ITGAL: variants seen among roughly 807,000 people sequenced by gnomAD.
ITGAL encodes integrin alpha-L.
Under a neutral mutation model 138.4 loss-of-function variants are expected in ITGAL, and 68 were observed. The ratio of observed to expected loss-of-function variants is 0.49; its 90% CI spans 0.40 to 0.60. The LOEUF is 0.60. ITGAL is among the 20% of genes least tolerant of loss of function. ITGAL has a pLI of 0.00. For synonymous variants in ITGAL, 561 were observed against 584.3 expected (o/e 0.96, Z 0.57); for missense variants, 1,256 against 1,478.6 (o/e 0.85, Z 2.47).
chr16:30,503,411 C>T (rs2050934628), intron 17 of ITGAL, among the ~76,000 whole-genome samples: 1 of 150,600 alleles, frequency 6.6e-6, no homozygotes. Flanking sequence ...GCTCTTAGGA[C>T]AACTGTGCCA....
At position 30,474,297 on chromosome 16, in the gene ITGAL, G is replaced by T. The variant is rs534281390; in HGVS notation, c.163G>T (p.Gly55Trp). The change falls in exon 2 of 31, where the codon GGG becomes TGG. Residue 55 changes from glycine to tryptophan, a missense_variant and splice_region_variant. Coordinates refer to ENST00000356798, the MANE Select transcript of ITGAL (RefSeq NM_002209.3). ...FGYRVLQVGN[G>W]VIVGAPGEGN... Reference sequence around the variant, plus strand: ...ATACCGCGTCCTGCAGGTCGGAAACGGGTGAGCTGTGCCCCACAAGTCCTC... The same window carrying T: ...ATACCGCGTCCTGCAGGTCGGAAACTGGTGAGCTGTGCCCCACAAGTCCTC... 2 of 1,599,122 alleles carry T rather than the reference G, an allele frequency of 1.3e-6. No homozygotes were observed. The highest frequency in any genetic ancestry group is 1.1e-5 in the South Asian group (1 of 89,248).
chr16:30,482,619 C>A (rs1231330934), intron 7 of ITGAL, among the ~76,000 whole-genome samples: 1 of 152,006 alleles, frequency 6.6e-6, no homozygotes, highest in Non-Finnish European at 1.5e-5. Context: ...GTTGTATAAA[C>A]CAGGGTGGAA....
In ITGAL at chr16:30,505,473, C is replaced by G. The variant is rs1215867498; in HGVS notation, c.2366+11C>G. 5.0e-6 allele frequency: 8 copies of G among 1,605,274 alleles called. No homozygotes were observed. Among genetic ancestry groups the G allele is most frequent in the Non-Finnish European group, 5.1e-6 (6 of 1,172,790 alleles). ...CTTCTCTCCTGCAAGGTCAGTAAGGCCTCCCACCCTCCAGCCTCCCATCCA... is the reference window on the plus strand; with the variant it reads ...CTTCTCTCCTGCAAGGTCAGTAAGGGCTCCCACCCTCCAGCCTCCCATCCA... On this transcript the variant is annotated intron_variant, in intron 20 of 30. Transcript: ENST00000356798.
intron 15 of ITGAL, among the ~76,000 whole-genome samples, chr16:30,497,909 T>C (rs980240728): frequency 6.6e-6 from 1 of 151,366 alleles, no homozygotes; most frequent in Non-Finnish European, 1.5e-5. Flanking sequence ...ATCATGCCAC[T>C]GTACTCCAGC....
chr16:30,488,969 G>T, intron 9 of ITGAL, 113 bp from the exon 10 acceptor site: 1 of 877,792 alleles, frequency 1.1e-6, no homozygotes, highest in Non-Finnish European at 1.9e-6. Flanking sequence ...TCACATGCAT[G>T]CCTTCTACCT....
At chr16:30,512,259 C>CA (rs1385513711) in intron 24 of ITGAL, among the ~76,000 whole-genome samples, 1 of 151,734 alleles carries the variant, frequency 6.6e-6, no homozygotes, top group Non-Finnish European at 1.5e-5. Context: ...TTTGCTATTT[C>CA]AAAAAAACCT....
rs749891417 is a variant in ITGAL at position 30,517,607 on chromosome 16, G to A, written c.2977-42G>A. On this transcript the variant is annotated intron_variant, in intron 26 of 30. Transcript: ENST00000356798. Reference sequence around the variant, plus strand: ...AGCTGGGATGCCAGTGTCTTATCTGGGTTGGGGAGGCTCTAACTGAAGACC... The same window carrying A: ...AGCTGGGATGCCAGTGTCTTATCTGAGTTGGGGAGGCTCTAACTGAAGACC... 6 of 1,565,650 alleles carry A rather than the reference G, an allele frequency of 3.8e-6. No homozygotes were observed. The East Asian group carries it at 9.0e-5, about 23-fold the overall frequency.
At chr16:30,489,449 G>A in intron 11 of ITGAL, 63 bp downstream of exon 11, 2 of 1,559,564 alleles carry the variant, frequency 1.3e-6, no homozygotes, top group Non-Finnish European at 1.8e-6. Context: ...CGCTCAGCCT[G>A]GCTTCCAAAA....
chr16:30,481,342 A>T (rs2050557004), intron 6 of ITGAL, 97 bp from the exon 7 acceptor site: 3 of 868,034 alleles, frequency 3.5e-6, no homozygotes, highest in Non-Finnish European at 4.8e-6. Context: ...GCGAAACTCC[A>T]TCTAAAAAAA....
intron 9 of ITGAL, chr16:30,488,784 G>A (rs1196325492): frequency 7.5e-6 from 3 of 398,420 alleles, no homozygotes; most frequent in Admixed American, 7.2e-5. Context: ...GGCTAAGCCC[G>A]GAGGGTTGCT....
At position 30,522,108 on chromosome 16, in the gene ITGAL, G is replaced by T; in HGVS notation, c.*443G>T. 1 of 161,466 alleles carries T rather than the reference G, an allele frequency of 6.2e-6. No homozygotes were observed. The highest frequency in any genetic ancestry group is 1.4e-5 in the Non-Finnish European group (1 of 73,732). The allele number at this position is 161,466 out of a possible 1,614,324, so 10.0% of individuals were successfully genotyped here. A position where few individuals can be genotyped will look rare whatever the true frequency, so the allele number is the denominator to read the frequency against. On this transcript the variant is annotated 3_prime_UTR_variant, in exon 31 of 31. Transcript: ENST00000356798. The surrounding 1 kb of genome is among the most constrained non-coding windows in gnomAD (Gnocchi z 4.0). ...TCTTCTGCTGGCAGAAAGCAAATGTGACCTGTGTCACTACGTGACTGTGGC... is the reference window on the plus strand; with the variant it reads ...TCTTCTGCTGGCAGAAAGCAAATGTTACCTGTGTCACTACGTGACTGTGGC...
At chr16:30,511,270 G>A (rs1019522867) in intron 24 of ITGAL, 134 bp downstream of exon 24, 5 of 695,828 alleles carry the variant, frequency 7.2e-6, no homozygotes, top group Non-Finnish European at 1.3e-5. Context: ...AATTAGAACT[G>A]ATTCCAGCCA....
At chr16:30,493,957 T>G (rs1437606140) in intron 11 of ITGAL, among the ~76,000 whole-genome samples, 1 of 152,174 alleles carries the variant, frequency 6.6e-6, no homozygotes, top group Non-Finnish European at 1.5e-5. Context: ...CAGAAGAGGC[T>G]CCACGCTCCA....
intron 17 of ITGAL, among the ~76,000 whole-genome samples, chr16:30,501,867 C>A (rs1441459022): frequency 6.6e-6 from 1 of 151,680 alleles, no homozygotes; most frequent in Non-Finnish European, 1.5e-5. Context: ...CCCTTCTCTA[C>A]AAAAAACACC....
Sources: gnomAD v4.1 joint callset for allele counts (sites outside exome capture counted in the v4.1 genomes callset) on GRCh38, gnomAD v4.1.1 for gene constraint, Gnocchi (gnomAD v3.1) non-coding constraint, MANE v1.5 for transcripts, NCBI Gene and HGNC (gene_info 2026-07-23, HGNC 2026-07-21) for gene names.